The following TMTC2 variants were observed in gnomAD, a reference collection of about 807,000 sequenced individuals.
TMTC2 encodes the protein transmembrane O-mannosyltransferase targeting cadherins 2.
TMTC2 carries 43 observed loss-of-function variants against 82.4 expected under a neutral mutation model. That is an observed-to-expected ratio of 0.52 (90% CI 0.41 to 0.67). The LOEUF is 0.67. Among genes scored for constraint, TMTC2 ranks in the 30% least tolerant of loss-of-function variants. The probability of loss-of-function intolerance (pLI) is 0.00; values close to 1 mark genes in which losing one functional copy is unlikely to be tolerated. For missense variants in TMTC2, 919 were observed against 1,012.4 expected (o/e 0.91, Z 1.25); for synonymous variants, 408 against 381.9 (o/e 1.07, Z -0.80).
At chr12:83,025,847 A>G (rs541065170) in intron 8 of TMTC2, among the ~76,000 whole-genome samples, 2 of 152,328 alleles carry the variant, frequency 1.3e-5, no homozygotes, top group South Asian at 2.1e-4. Context: ...GATACAATTG[A>G]ACAGCCAGAT....
chr12:83,075,853 A>T (rs1415197561), intron 11 of TMTC2, among the ~76,000 whole-genome samples: 2 of 152,200 alleles, frequency 1.3e-5, no homozygotes, highest in Non-Finnish European at 2.9e-5. Context: ...TTTTCTTCTG[A>T]CAGGTTACAA....
chr12:83,107,940 AT>A (rs1417986188), intron 11 of TMTC2, among the ~76,000 whole-genome samples: 1 of 151,140 alleles, frequency 6.6e-6, no homozygotes. Context: ...AAGGGGATGG[AT>A]TTCCCCCCTT....
At chr12:83,129,874 T>C (rs10862590) in intron 11 of TMTC2, among the ~76,000 whole-genome samples, 31,899 of 152,204 alleles carry the variant, frequency 0.21, 3,440 homozygotes, top group Middle Eastern at 0.32. Context: ...TGCCCACATC[T>C]CTGTGGTAGA....
chr12:82,820,387 T>C (rs1309136623), intron 1 of TMTC2, among the ~76,000 whole-genome samples: 1 of 152,040 alleles, frequency 6.6e-6, no homozygotes, highest in Non-Finnish European at 1.5e-5. Context: ...CTTTTTTTTT[T>C]CGAGACACAG....
At chr12:82,728,726 G>A (rs1487365148) in intron 1 of TMTC2, among the ~76,000 whole-genome samples, 1 of 152,244 alleles carries the variant, frequency 6.6e-6, no homozygotes, top group Non-Finnish European at 1.5e-5. Flanking sequence ...TTCTGGGCTG[G>A]CCAAGGCCGG....
chr12:82,937,748 GTGTATATATATATATA>G (rs1163780289), intron 4 of TMTC2, among the ~76,000 whole-genome samples: 5 of 92,366 alleles, frequency 5.4e-5, no homozygotes, highest in African/African-American at 2.0e-4. Context: ...GTGTGTGTGT[GTGTATATATATATATA>G]TATATATATA....
intron 11 of TMTC2, among the ~76,000 whole-genome samples, chr12:83,111,578 C>A (rs1384916301): frequency 6.6e-6 from 1 of 152,070 alleles, no homozygotes; most frequent in Admixed American, 6.5e-5. Flanking sequence ...TTCTGTAAAC[C>A]CTTCCTTTCT....
intron 1 of TMTC2, among the ~76,000 whole-genome samples, chr12:82,702,681 C>T (rs1873141823): frequency 6.6e-6 from 1 of 152,132 alleles, no homozygotes; most frequent in South Asian, 2.1e-4. Flanking sequence ...AATCTCATCA[C>T]TTCAAGAGGC....
rs146340101 is a variant in TMTC2, at chr12:82,891,654, C to A, written c.655-4164C>A. 3.9e-5 allele frequency among the ~76,000 whole-genome samples: 6 copies of A among 152,220 alleles called. No homozygotes were observed. In the East Asian group the frequency reaches 1.2e-3, roughly 29 times the overall value. On this transcript the variant is annotated intron_variant, in intron 2 of 11. Transcript: ENST00000321196. ...ATTTTATGAGAAAGCATCAGAGACA[C>A]TTGAAAATTGCAGTTTCATACTTTG... is the stretch of plus-strand genomic sequence containing the variant.
chr12:82,735,876 G>A (rs1396990008), intron 1 of TMTC2, among the ~76,000 whole-genome samples: 1 of 151,926 alleles, frequency 6.6e-6, no homozygotes, highest in Non-Finnish European at 1.5e-5. Flanking sequence ...GGGAGGCTGA[G>A]GCAGGAGAAC....
At chr12:82,904,982 CTTTT>C (rs370846723) in intron 3 of TMTC2, among the ~76,000 whole-genome samples, 2 of 133,896 alleles carry the variant, frequency 1.5e-5, no homozygotes, top group African/African-American at 2.7e-5. Context: ...TTTTTTGTTT[CTTTT>C]TTTTTTTTTT....
At chr12:82,869,067 GA>G (rs1872030560) in intron 2 of TMTC2, among the ~76,000 whole-genome samples, 1 of 152,062 alleles carries the variant, frequency 6.6e-6, no homozygotes, top group Non-Finnish European at 1.5e-5. Context: ...ATTGGTTTTG[GA>G]TTTCAGAAAA....
chr12:83,046,542 C>G (rs923160238), intron 9 of TMTC2, among the ~76,000 whole-genome samples: 4 of 152,124 alleles, frequency 2.6e-5, no homozygotes, highest in Non-Finnish European at 4.4e-5. Flanking sequence ...GACAGACTCT[C>G]CAAAGTGCCT....
chr12:82,866,306 T>A (rs1295257242), intron 2 of TMTC2, among the ~76,000 whole-genome samples: 1 of 151,706 alleles, frequency 6.6e-6, no homozygotes, highest in African/African-American at 2.4e-5. Flanking sequence ...CCAACCTTGA[T>A]GAACAATGTT....
intron 1 of TMTC2, among the ~76,000 whole-genome samples, chr12:82,742,111 G>C (rs1875442237): frequency 6.6e-6 from 1 of 152,114 alleles, no homozygotes; most frequent in African/African-American, 2.4e-5. Context: ...ATAGTTGTCA[G>C]TGCCCTAATG....
chr12:82,819,005 A>G (rs1474692906), intron 1 of TMTC2, among the ~76,000 whole-genome samples: 1 of 152,024 alleles, frequency 6.6e-6, no homozygotes, highest in African/African-American at 2.4e-5. Context: ...TACAGTAGGT[A>G]CAAAGTAAGG....
intron 1 of TMTC2, among the ~76,000 whole-genome samples, chr12:82,804,914 A>G (rs1010841003): frequency 3.3e-5 from 5 of 152,174 alleles, no homozygotes; most frequent in Admixed American, 2.6e-4. Context: ...CCATAAAAAA[A>G]TAGCACTTGA....
chr12:82,986,170 C>A, intron 8 of TMTC2, 124 bp downstream of exon 8: 1 of 1,341,204 alleles, frequency 7.5e-7, no homozygotes, highest in Admixed American at 1.9e-5. Flanking sequence ...GGTGGTGATA[C>A]TAACTTTGAA....
rs191494778 is a variant in TMTC2 at position 83,079,388 on chromosome 12, A to G, written c.2331+17557A>G. ...CCAATATAAGAATTTAGTTTTTGTG[A>G]GACAAATTATTTCTTTTAAATAGAT... On this transcript the variant is annotated intron_variant, in intron 11 of 11. Coordinates refer to ENST00000321196, the MANE Select transcript of TMTC2 (RefSeq NM_152588.3). Among the ~76,000 whole-genome samples the G allele has an allele frequency of 5.3e-5, 8 of 152,296 alleles. No individual in the cohort carries two copies. The East Asian group carries it at 1.3e-3, about 26-fold the overall frequency.
Sources: allele counts gnomAD v4.1 joint callset (sites outside exome capture counted in the v4.1 genomes callset), GRCh38; gene constraint gnomAD v4.1.1; transcripts MANE v1.5; gene names NCBI Gene and HGNC (gene_info 2026-07-23, HGNC 2026-07-21).